PECR: variants seen among roughly 807,000 people sequenced by gnomAD.
The protein encoded by PECR is peroxisomal trans-2-enoyl-CoA reductase, also known as 2,4-dienoyl-CoA reductase-related protein.
In PECR, 30 loss-of-function variants were observed where a neutral mutation model predicts 35.3. The ratio of observed to expected loss-of-function variants is 0.85; its 90% CI spans 0.64 to 1.15. PECR has a LOEUF of 1.15. Ranked by LOEUF, PECR falls within the 50% of genes most tolerant of loss-of-function variation. The pLI, the probability that PECR is intolerant of heterozygous loss-of-function variation, is 0.00. For missense variants in PECR, 392 were observed against 370.8 expected, an observed-to-expected ratio of 1.06 and a Z score of -0.47; for synonymous variants, 148 against 138.9, an observed-to-expected ratio of 1.07 and a Z score of -0.46.
chr2:216,078,254 C>T (rs963322546), intron 1 of PECR, among the ~76,000 whole-genome samples: 13 of 152,156 alleles, frequency 8.5e-5, no homozygotes, highest in African/African-American at 3.1e-4. Context: ...GCCTGGCCAA[C>T]ATGCCAAAAC....
chr2:216,051,359 T>C lies in PECR; in HGVS notation c.603+90A>G. 3.7e-6 allele frequency: 3 copies of C among 817,322 alleles called. No homozygotes were observed. In the South Asian group the frequency reaches 4.0e-5, roughly 11 times the overall value. 50.6% of individuals were successfully genotyped at this position (817,322 alleles called of 1,614,324 possible). A position where few individuals can be genotyped will look rare whatever the true frequency, so the allele number is the denominator to read the frequency against. ...TTAAAGTCAATCTTTTATGCTATACTTGCTTATTACCAAATACCTCTATCA... is the reference window on the plus strand; with the variant it reads ...TTAAAGTCAATCTTTTATGCTATACCTGCTTATTACCAAATACCTCTATCA... On this transcript the variant is annotated intron_variant, in intron 5 of 7. Transcript: ENST00000265322.
At chr2:216,059,526 G>A (rs1326391966) in intron 3 of PECR, among the ~76,000 whole-genome samples, 1 of 152,212 alleles carries the variant, frequency 6.6e-6, no homozygotes, top group Non-Finnish European at 1.5e-5. Flanking sequence ...CCACTTTGGA[G>A]CAATTATGAA....
intron 4 of PECR, among the ~76,000 whole-genome samples, chr2:216,053,652 A>G (rs774900839): frequency 1.3e-5 from 2 of 152,120 alleles, no homozygotes; most frequent in African/African-American, 2.4e-5. Flanking sequence ...TGAGCATCCT[A>G]TTGGTGCTCA....
At position 216,065,342 on chromosome 2, in the gene PECR, G is replaced by A. The variant is rs750227644; in HGVS notation, c.394C>T (p.Leu132=). Residue 132 remains leucine, a synonymous_variant, in exon 3 of 8, where the codon CTG becomes TTG. Coordinates refer to ENST00000265322, the MANE Select transcript of PECR (RefSeq NM_018441.6). ...KGWHAVLETN[L]TGTFYMCKAV... ...TTGCACATGTAGAAGGTACCCGTCAGGTTGGTCTCAAGCACAGCGTGCCAT... is the reference window on the plus strand; with the variant it reads ...TTGCACATGTAGAAGGTACCCGTCAAGTTGGTCTCAAGCACAGCGTGCCAT... 1 of 1,612,202 alleles carries A rather than the reference G, an allele frequency of 6.2e-7. No homozygotes were observed. The highest frequency in any genetic ancestry group is 1.7e-5 in the Admixed American group (1 of 60,016).
intron 6 of PECR, among the ~76,000 whole-genome samples, chr2:216,044,439 G>A (rs1022883525): frequency 6.6e-6 from 1 of 152,150 alleles, no homozygotes; most frequent in Non-Finnish European, 1.5e-5. Context: ...AATAGTCAAT[G>A]TGTCTGTTTA....
intron 7 of PECR, among the ~76,000 whole-genome samples, chr2:216,030,962 A>T (rs1161114894): frequency 6.9e-5 from 9 of 129,814 alleles, no homozygotes; most frequent in African/African-American, 2.6e-4. Flanking sequence ...TCTCTCACAC[A>T]CACACACACA....
intron 6 of PECR, among the ~76,000 whole-genome samples, chr2:216,048,440 C>T (rs147249848): frequency 1.3e-5 from 2 of 149,836 alleles, no homozygotes; most frequent in Non-Finnish European, 3.0e-5. Context: ...CTAGGTGTGG[C>T]GGCTCACACA....
At chr2:216,068,523 A>G (rs1401920878) in intron 1 of PECR, among the ~76,000 whole-genome samples, 2 of 152,196 alleles carry the variant, frequency 1.3e-5, no homozygotes, top group Admixed American at 1.3e-4. Context: ...AAGCTGGAAG[A>G]ATTCATCAAG....
At chr2:216,075,012 T>C (rs1196022768) in intron 1 of PECR, among the ~76,000 whole-genome samples, 1 of 152,208 alleles carries the variant, frequency 6.6e-6, no homozygotes, top group Non-Finnish European at 1.5e-5. Flanking sequence ...CCAGGCATGG[T>C]GACTCATGCT....
chr2:216,054,529 T>C (rs1418613995), intron 4 of PECR, among the ~76,000 whole-genome samples: 2 of 151,102 alleles, frequency 1.3e-5, no homozygotes, highest in Non-Finnish European at 2.9e-5. Flanking sequence ...AGAGATGGGG[T>C]TTCACCATGT....
At position 216,065,331 on chromosome 2, in the gene PECR, G is replaced by A. The variant is rs1437060669; in HGVS notation, c.405C>T (p.Thr135=). ...ACTTGCCTGCTTTGCACATGTAGAA[G>A]GTACCCGTCAGGTTGGTCTCAAGCA... The part of the protein sequence containing the change: ...HAVLETNLTG[T]FYMCKAVYSS... The change falls in exon 3 of 8, where the codon ACC becomes ACT. Residue 135 remains threonine (T), a synonymous_variant. Transcript: ENST00000265322. 1 of 1,611,378 alleles carries A rather than the reference G, an allele frequency of 6.2e-7. No homozygotes were observed. Among genetic ancestry groups the A allele is most frequent in the Admixed American group, 1.7e-5 (1 of 60,010 alleles).
chr2:216,039,504 G>C, intron 7 of PECR, 144 bp from the exon 8 acceptor site: 1 of 668,564 alleles, frequency 1.5e-6, no homozygotes, highest in Non-Finnish European at 2.8e-6. Flanking sequence ...TTTGAGAAAA[G>C]ACTTCAATTT....
At chr2:216,049,143 A>C in intron 6 of PECR, 120 bp downstream of exon 6, 1 of 760,012 alleles carries the variant, frequency 1.3e-6, no homozygotes, top group South Asian at 1.4e-5. Context: ...AGAACAGGGG[A>C]AATGTTCTGC....
At chr2:216,056,699 C>A (rs1264374812) in intron 4 of PECR, among the ~76,000 whole-genome samples, 4 of 126,622 alleles carry the variant, frequency 3.2e-5, no homozygotes, top group Non-Finnish European at 6.3e-5. Flanking sequence ...TCAGCCTGGG[C>A]AACAGGAGCA....
chr2:216,043,929 G>A lies in PECR; in HGVS notation c.801C>T (p.Leu267=), dbSNP rs147938259. 172 of 1,605,648 alleles carry A rather than the reference G, an allele frequency of 1.1e-4. No individual in the cohort carries two copies. Among genetic ancestry groups the A allele is most frequent in the Non-Finnish European group, 1.3e-4 (158 of 1,172,394 alleles). Residue 267 remains leucine, a synonymous_variant, in exon 7 of 8, where the codon CTC becomes CTT. Transcript: ENST00000265322. The part of the protein sequence containing the change: ...QSVDVDGGRS[L]YTHSYEVPDH... ...CTGGTACCTCATACGAGTGAGTATA[G>A]AGACTCCGGCCCCCATCCACATCCA... is the stretch of plus-strand genomic sequence containing the variant.
Position 216,049,266 on chromosome 2 carries a change from C to T in PECR, c.711G>A (p.Glu237=), listed in dbSNP as rs1695056869. Residue 237 remains glutamate, a synonymous_variant, in exon 6 of 8, where the codon GAG becomes GAA. Transcript: ENST00000265322. ...KIPAKRIGVP[E]EVSSVVCFLL... Reference sequence around the variant, plus strand: ...CAATGCTGGAAATATACCTTACCTCCTCAGGAACACCAATTCGTTTAGCGG... The same window carrying T: ...CAATGCTGGAAATATACCTTACCTCTTCAGGAACACCAATTCGTTTAGCGG... 1.4e-6 allele frequency: 2 copies of T among 1,477,738 alleles called. No individual in the cohort carries two copies. Among genetic ancestry groups the T allele is most frequent in the African/African-American group, 2.8e-5 (2 of 72,472 alleles). 91.5% of individuals were successfully genotyped at this position (1,477,738 alleles called of 1,614,324 possible).
At chr2:216,049,516 C>T in intron 5 of PECR, 143 bp from the exon 6 acceptor site, 1 of 568,164 alleles carries the variant, frequency 1.8e-6, no homozygotes, top group Non-Finnish European at 3.1e-6. Context: ...ATTAAATTTC[C>T]TCCATGTTGT....
At chr2:216,054,573 T>C (rs1259066847) in intron 4 of PECR, among the ~76,000 whole-genome samples, 1 of 151,442 alleles carries the variant, frequency 6.6e-6, no homozygotes, top group Non-Finnish European at 1.5e-5. Context: ...TGACCTCAGG[T>C]GATCTACCCA....
rs190237012 is a variant in PECR, at chr2:216,053,102, C to T, written c.507-1557G>A. On this transcript the variant is annotated intron_variant, in intron 4 of 7. Coordinates refer to ENST00000265322, the MANE Select transcript of PECR (RefSeq NM_018441.6). ...CTCCTGACCTCAGATGATCTGCCCG[C>T]CTCAGCCTCCCAAAGTGCTGGGATT... Among the ~76,000 whole-genome samples, 4 of 152,284 alleles carry T rather than the reference C, an allele frequency of 2.6e-5. No individual in the cohort carries two copies. The East Asian group carries it at 7.7e-4, about 29-fold the overall frequency.
Sources: gnomAD v4.1 joint callset for allele counts (sites outside exome capture counted in the v4.1 genomes callset) on GRCh38, gnomAD v4.1.1 for gene constraint, MANE v1.5 for transcripts, NCBI Gene and HGNC (gene_info 2026-07-23, HGNC 2026-07-21) for gene names.